Variants in SLIT2 observed in about 807,000 individuals in gnomAD.
SLIT2 encodes the protein slit homolog 2 protein.
A neutral mutation model predicts 185.7 loss-of-function variants in SLIT2; 41 were observed. The observed-to-expected ratio is 0.22, with a 90% CI of 0.17 to 0.29. The LOEUF is 0.29. Ranked by LOEUF, SLIT2 falls within the 10% of genes least tolerant of loss-of-function variation. SLIT2 has a pLI of 1.00. For missense variants in SLIT2, 1,571 were observed against 1,909.0 expected, an observed-to-expected ratio of 0.82 and a Z score of 3.30; for synonymous variants, 693 against 680.2, an observed-to-expected ratio of 1.02 and a Z score of -0.29.
At chr4:20,589,093 G>A (rs1012284866) in intron 29 of SLIT2, among the ~76,000 whole-genome samples, 11 of 152,006 alleles carry the variant, frequency 7.2e-5, no homozygotes, top group African/African-American at 2.2e-4. Flanking sequence ...GCATAAAAGG[G>A]TACATATGGA....
chr4:20,612,303 C>T (rs1385207593), intron 34 of SLIT2, among the ~76,000 whole-genome samples: 3 of 148,416 alleles, frequency 2.0e-5, no homozygotes, highest in Admixed American at 1.3e-4. Flanking sequence ...CATTCCCCCG[C>T]CCCCCGCCAA....
intron 9 of SLIT2, among the ~76,000 whole-genome samples, chr4:20,500,576 G>T (rs1260871992): frequency 6.6e-6 from 1 of 151,974 alleles, no homozygotes; most frequent in African/African-American, 2.4e-5. Flanking sequence ...CTCTTAAAAA[G>T]TGTCTTGTAT....
At chr4:20,422,687 A>G (rs1728254490) in intron 4 of SLIT2, among the ~76,000 whole-genome samples, 1 of 152,160 alleles carries the variant, frequency 6.6e-6, no homozygotes, top group Non-Finnish European at 1.5e-5. Flanking sequence ...ACATTTGCAC[A>G]GTGGCCTGAA....
At chr4:20,296,317 TA>T (rs1164568113) in intron 4 of SLIT2, among the ~76,000 whole-genome samples, 1 of 152,172 alleles carries the variant, frequency 6.6e-6, no homozygotes, top group East Asian at 1.9e-4. Context: ...TGATCTGAAC[TA>T]GAAAAAAAAG....
chr4:20,382,599 T>C lies in SLIT2; in HGVS notation c.396-85153T>C, dbSNP rs890358163. On this transcript the variant is annotated intron_variant, in intron 4 of 36. Coordinates refer to ENST00000504154, the MANE Select transcript of SLIT2 (RefSeq NM_004787.4). ...ACGAAATATATACACATAAATGTAA[T>C]AGAATATATATTCAGTCTGAACACT... Among the ~76,000 whole-genome samples the C allele has an allele frequency of 6.6e-5, 10 of 152,252 alleles. No individual in the cohort carries two copies. In the South Asian group the frequency reaches 2.1e-3, roughly 32 times the overall value.
rs114779482 is a variant in SLIT2 at position 20,269,440 on chromosome 4, C to T, written c.395+559C>T. ...GTTTTCATATCAAATACGTCATAGA[C>T]TATTAAAGGAAGTAATTCCTTAAAG... On this transcript the variant is annotated intron_variant, in intron 4 of 36. Transcript: ENST00000504154. Among the ~76,000 whole-genome samples, 316 of 151,886 alleles carry T rather than the reference C, an allele frequency of 2.1e-3. 2 individuals are homozygous for T. Among genetic ancestry groups the T allele is most frequent in the African/African-American group, 6.8e-3 (283 of 41,468 alleles).
chr4:20,619,115 CA>C lies in SLIT2; in HGVS notation c.*107del. ...AATATTTGAAATATATTGTAAAATA[CA>C]GAACAGACTTATTTTTATTATGAGA... On this transcript the variant is annotated 3_prime_UTR_variant, in exon 37 of 37. Transcript: ENST00000504154. 1 of 1,147,494 alleles carries C rather than the reference CA, an allele frequency of 8.7e-7. No individual in the cohort carries two copies. The highest frequency in any genetic ancestry group is 1.2e-6 in the Non-Finnish European group (1 of 826,998). The allele number at this position is 1,147,494 out of a possible 1,614,324, so 71.1% of individuals were successfully genotyped here. A position where few individuals can be genotyped will look rare whatever the true frequency, so the allele number is the denominator to read the frequency against.
At chr4:20,292,371 A>G (rs531989991) in intron 4 of SLIT2, among the ~76,000 whole-genome samples, 73 of 152,316 alleles carry the variant, frequency 4.8e-4, no homozygotes, top group African/African-American at 1.2e-3. Flanking sequence ...TTGTAAAATG[A>G]AAGTAATATT....
intron 5 of SLIT2, among the ~76,000 whole-genome samples, chr4:20,474,412 C>A (rs980286586): frequency 9.9e-5 from 15 of 152,056 alleles, no homozygotes; most frequent in Non-Finnish European, 1.6e-4. Context: ...CTACCAATAA[C>A]CTCTCCATCT....
At chr4:20,398,075 T>C (rs1011141974) in intron 4 of SLIT2, among the ~76,000 whole-genome samples, 4 of 151,778 alleles carry the variant, frequency 2.6e-5, no homozygotes, top group African/African-American at 9.7e-5. Flanking sequence ...AGGTACCTAG[T>C]GTGAGATTGT....
At chr4:20,603,946 G>A (rs1224609787) in intron 33 of SLIT2, among the ~76,000 whole-genome samples, 1 of 152,174 alleles carries the variant, frequency 6.6e-6, no homozygotes, top group African/African-American at 2.4e-5. Context: ...AGTTCCCCCT[G>A]TTTACTAGCT....
intron 5 of SLIT2, among the ~76,000 whole-genome samples, chr4:20,476,733 T>C (rs974968779): frequency 2.0e-5 from 3 of 152,152 alleles, no homozygotes; most frequent in African/African-American, 7.2e-5. Context: ...TTAACCTAAG[T>C]GTTGTATATG....
intron 21 of SLIT2, 64 bp downstream of exon 21, chr4:20,542,690 G>A: frequency 6.6e-7 from 1 of 1,522,190 alleles, no homozygotes; most frequent in Admixed American, 1.8e-5. Flanking sequence ...CATACACCCA[G>A]AGGAATGGAC....
intron 15 of SLIT2, among the ~76,000 whole-genome samples, chr4:20,527,461 T>C (rs1219979792): frequency 6.6e-6 from 1 of 152,134 alleles, no homozygotes; most frequent in Admixed American, 6.5e-5. Flanking sequence ...TAATTTTTTG[T>C]ATTTTTACTG....
In SLIT2 at chr4:20,528,983, C is replaced by G. The variant is rs1400065727; in HGVS notation, c.1497C>G (p.Asp499Glu). ...TEDYRSKLSG[D>E]CFADLACPEK... The stretch of plus-strand genomic sequence containing the variant: ...ATTATCGATCAAAATTAAGTGGAGA[C>G]TGCTTTGCGGATCTGGCTTGCCCTG... The change falls in exon 16 of 37, where the codon GAC (aspartate) becomes GAG (glutamate). Residue 499 changes from aspartate to glutamate, a missense_variant. Physicochemically the swap from Asp to Glu is conservative, Grantham distance 45 (BLOSUM62 2). Transcript: ENST00000504154. The surrounding 1 kb of genome is among the most constrained non-coding windows in gnomAD (Gnocchi z 4.2). The G allele has an allele frequency of 1.2e-6, 2 of 1,613,754 alleles. No homozygotes were observed. The highest frequency in any genetic ancestry group is 2.7e-5 in the African/African-American group (2 of 74,890).
intron 4 of SLIT2, among the ~76,000 whole-genome samples, chr4:20,288,768 C>T (rs1251963421): frequency 6.6e-6 from 1 of 152,206 alleles, no homozygotes; most frequent in Non-Finnish European, 1.5e-5. Flanking sequence ...TACTTTCTCC[C>T]TCTTCATTTC....
At chr4:20,535,182 C>T (rs1189770347) in intron 18 of SLIT2, among the ~76,000 whole-genome samples, 2 of 151,878 alleles carry the variant, frequency 1.3e-5, no homozygotes, top group Non-Finnish European at 2.9e-5. Flanking sequence ...GCCTGTAGTC[C>T]CAGCTACTCG....
At position 20,253,532 on chromosome 4, in the gene SLIT2, GCTCTTGGGGT is replaced by G. The variant is rs1431304597; in HGVS notation, c.-280_-271del. On this transcript the variant is annotated 5_prime_UTR_variant, in exon 1 of 37. Coordinates refer to ENST00000504154, the MANE Select transcript of SLIT2 (RefSeq NM_004787.4). Reference sequence around the variant, plus strand: ...GAAGACGCGTGATCTCCTCTCCGCTGCTCTTGGGGTCTCCTTGCAGCCCTGGCCAGGCGGA... The same window carrying G: ...GAAGACGCGTGATCTCCTCTCCGCTGCTCCTTGCAGCCCTGGCCAGGCGGA... The G allele has an allele frequency of 2.0e-6, 1 of 493,660 alleles. No individual in the cohort carries two copies. The highest frequency in any genetic ancestry group is 3.6e-6 in the Non-Finnish European group (1 of 275,204). The allele number at this position is 493,660 out of a possible 1,614,324, so 30.6% of individuals were successfully genotyped here. A position where few individuals can be genotyped will look rare whatever the true frequency, so the allele number is the denominator to read the frequency against.
intron 29 of SLIT2, among the ~76,000 whole-genome samples, chr4:20,574,382 A>T (rs2148924505): frequency 6.6e-6 from 1 of 152,326 alleles, no homozygotes; most frequent in African/African-American, 2.4e-5. Context: ...GCTTACCAAA[A>T]GTCTTCAAGT....
Sources: allele counts gnomAD v4.1 joint callset (sites outside exome capture counted in the v4.1 genomes callset), GRCh38; gene constraint gnomAD v4.1.1; non-coding constraint Gnocchi (gnomAD v3.1); transcripts MANE v1.5; gene names NCBI Gene and HGNC (gene_info 2026-07-23, HGNC 2026-07-21).